Variants in MYT1 observed in about 807,000 individuals in gnomAD.
MYT1 encodes the protein myelin transcription factor 1, also known as myelin transcription factor I.
In MYT1, 23 loss-of-function variants were observed where a neutral mutation model predicts 123.0. The observed-to-expected ratio is 0.19, with a 90% CI of 0.13 to 0.26. The LOEUF (loss-of-function observed/expected upper bound fraction) is 0.26. MYT1 is among the 10% of genes least tolerant of loss of function. MYT1 has a pLI of 1.00. For missense variants in MYT1, 1,125 were observed against 1,472.5 expected, an observed-to-expected ratio of 0.76 and a Z score of 3.86; for synonymous variants, 518 against 575.3, an observed-to-expected ratio of 0.90 and a Z score of 1.43.
chr20:64,172,741 CTTTTTT>C lies in MYT1; in HGVS notation c.-99+8020_-99+8025del, dbSNP rs33943131. On this transcript the variant is annotated intron_variant, in intron 1 of 22. Coordinates refer to ENST00000328439, the MANE Select transcript of MYT1 (RefSeq NM_004535.3). ...GTGCTGCTGGCTCTGGCCATACCCT[CTTTTTT>C]TTTTTTTTTTTTTTTTTGAAGATGG... 3.5e-3 allele frequency among the ~76,000 whole-genome samples: 336 copies of C among 95,554 alleles called. 2 individuals carry two copies. Among genetic ancestry groups the C allele is most frequent in the African/African-American group, 0.014 (319 of 23,560 alleles). The allele number at this position is 95,554 out of a possible 152,430, so 62.7% of individuals were successfully genotyped here.
intron 1 of MYT1, among the ~76,000 whole-genome samples, chr20:64,188,037 C>A (rs1242166289): frequency 1.3e-5 from 2 of 152,214 alleles, no homozygotes; most frequent in Non-Finnish European, 2.9e-5. Context: ...CTCAGGACTT[C>A]AGAGCCCAGG....
rs1241989632 is a variant in MYT1 at position 64,167,093 on chromosome 20, CAG to C, written c.-99+2355_-99+2356del. Among the ~76,000 whole-genome samples, 1 of 152,158 alleles carries C rather than the reference CAG, an allele frequency of 6.6e-6. No homozygotes were observed. The highest frequency in any genetic ancestry group is 1.5e-5 in the Non-Finnish European group (1 of 68,026). On this transcript the variant is annotated intron_variant, in intron 1 of 22. Coordinates refer to ENST00000328439, the MANE Select transcript of MYT1 (RefSeq NM_004535.3). This position sits in a 1 kb window ranked among gnomAD's most constrained non-coding sequence, Gnocchi z 6.3. ...CCCACACCACTCTGCACTGGGGAGACAGGGGTCAGAGCCTGACTAACTGTCTT... is the reference window on the plus strand; with the variant it reads ...CCCACACCACTCTGCACTGGGGAGACGGGTCAGAGCCTGACTAACTGTCTT...
intron 10 of MYT1, among the ~76,000 whole-genome samples, chr20:64,214,129 G>A (rs892393796): frequency 2.0e-5 from 3 of 152,246 alleles, no homozygotes; most frequent in Non-Finnish European, 4.4e-5. Flanking sequence ...CCCAAGTCAA[G>A]GAAGAGGGTG....
intron 1 of MYT1, among the ~76,000 whole-genome samples, chr20:64,177,411 C>G (rs1982492965): frequency 6.6e-6 from 1 of 151,986 alleles, no homozygotes; most frequent in South Asian, 2.1e-4. Context: ...AAGAGCAAAA[C>G]TTGCCCTCAT....
intron 2 of MYT1, among the ~76,000 whole-genome samples, chr20:64,194,384 A>G (rs531620361): frequency 3.3e-5 from 5 of 152,294 alleles, no homozygotes; most frequent in African/African-American, 4.8e-5. Context: ...CCCTTAGCAG[A>G]GCTCTCTGTT....
chr20:64,184,834 G>A (rs561995726), intron 1 of MYT1, among the ~76,000 whole-genome samples: 13 of 152,330 alleles, frequency 8.5e-5, no homozygotes, highest in Admixed American at 8.5e-4. Context: ...AGATATTGTG[G>A]GCAGCGAGGA....
In MYT1 at chr20:64,185,103, G is replaced by C. The variant is rs1223969984; in HGVS notation, c.-98-4960G>C. On this transcript the variant is annotated intron_variant, in intron 1 of 22. Coordinates refer to ENST00000328439, the MANE Select transcript of MYT1 (RefSeq NM_004535.3). This position sits in a 1 kb window ranked among gnomAD's most constrained non-coding sequence, Gnocchi z 4.5. ...GCAGGAGGAGATGGAGAGGGGGCTG[G>C]GCAGGGGCGTGAGGTCCAAAGAGAC... 2.6e-5 allele frequency among the ~76,000 whole-genome samples: 4 copies of C among 152,176 alleles called. No individual in the cohort carries two copies. Among genetic ancestry groups the C allele is most frequent in the Admixed American group, 1.3e-4 (2 of 15,282 alleles).
In MYT1 at chr20:64,236,546, T is replaced by G. The variant is rs2145737302; in HGVS notation, c.2898-9T>G. On this transcript the variant is annotated splice_polypyrimidine_tract_variant and intron_variant, in intron 19 of 22. Coordinates refer to ENST00000328439, the MANE Select transcript of MYT1 (RefSeq NM_004535.3). Reference sequence around the variant, plus strand: ...GGGCTGGTGAATGATATGTGGCCTCTGCTTCCAGTTTGTCAGGCTGTCCCA... The same window carrying G: ...GGGCTGGTGAATGATATGTGGCCTCGGCTTCCAGTTTGTCAGGCTGTCCCA... 3 of 1,612,652 alleles carry G rather than the reference T, an allele frequency of 1.9e-6. No individual in the cohort carries two copies. The Middle Eastern group carries it at 5.0e-4, about 266-fold the overall frequency.
rs536783617 is a variant in MYT1, at chr20:64,221,779, G to A, written c.2242-114G>A. The A allele has an allele frequency of 1.5e-4, 163 of 1,081,628 alleles. No individual in the cohort carries two copies. The African/African-American group carries it at 1.7e-3, about 11-fold the overall frequency. The allele number at this position is 1,081,628 out of a possible 1,614,324, so 67.0% of individuals were successfully genotyped here. A position where few individuals can be genotyped will look rare whatever the true frequency, so the allele number is the denominator to read the frequency against. On this transcript the variant is annotated intron_variant, in intron 13 of 22. Coordinates refer to ENST00000328439, the MANE Select transcript of MYT1 (RefSeq NM_004535.3). Reference sequence around the variant, plus strand: ...CCTTATCCAGAAGATAGGAGACTCCGGGAGATGCTTCTGTGGACACTGTCC... The same window carrying A: ...CCTTATCCAGAAGATAGGAGACTCCAGGAGATGCTTCTGTGGACACTGTCC...
chr20:64,204,472 C>G (rs928070026), intron 4 of MYT1, among the ~76,000 whole-genome samples: 2 of 152,198 alleles, frequency 1.3e-5, no homozygotes, highest in Non-Finnish European at 2.9e-5. Context: ...AGCTGGGACC[C>G]ACACCAGCTA....
At position 64,184,706 on chromosome 20, in the gene MYT1, G is replaced by A. The variant is rs559683999; in HGVS notation, c.-98-5357G>A. Among the ~76,000 whole-genome samples the A allele has an allele frequency of 7.9e-5, 12 of 152,358 alleles. No individual in the cohort carries two copies. The South Asian group carries it at 2.5e-3, about 32-fold the overall frequency. On this transcript the variant is annotated intron_variant, in intron 1 of 22. Coordinates refer to ENST00000328439, the MANE Select transcript of MYT1 (RefSeq NM_004535.3). ...AGAGGTCAGAAATGGTCAGATTCTG[G>A]TGAGATTTAGAAAATAACATTGGCA...
chr20:64,219,229 C>A (rs1030156067), intron 12 of MYT1, among the ~76,000 whole-genome samples, 194 bp downstream of exon 12: 1 of 152,226 alleles, frequency 6.6e-6, no homozygotes, highest in African/African-American at 2.4e-5. Context: ...ACCAGGAGAA[C>A]CTGGTGTGCT....
Position 64,192,066 on chromosome 20 carries a change from C to G in MYT1, c.-1+1906C>G, listed in dbSNP as rs780769831. On this transcript the variant is annotated intron_variant, in intron 2 of 22. Coordinates refer to ENST00000328439, the MANE Select transcript of MYT1 (RefSeq NM_004535.3). This position sits in a 1 kb window ranked among gnomAD's most constrained non-coding sequence, Gnocchi z 5.3. Reference sequence around the variant, plus strand: ...CAGGGGTGGGTCGGAAGACTTTTGTCTCCCCCTGGCCCAGACATGACAAAC... The same window carrying G: ...CAGGGGTGGGTCGGAAGACTTTTGTGTCCCCCTGGCCCAGACATGACAAAC... Among the ~76,000 whole-genome samples, 1 of 152,130 alleles carries G rather than the reference C, an allele frequency of 6.6e-6. No individual in the cohort carries two copies. Among genetic ancestry groups the G allele is most frequent in the African/African-American group, 2.4e-5 (1 of 41,430 alleles).
At chr20:64,223,418 T>C in intron 16 of MYT1, 59 bp downstream of exon 16, 1 of 1,576,540 alleles carries the variant, frequency 6.3e-7, no homozygotes, top group East Asian at 2.2e-5. Flanking sequence ...TTGCTCTCCT[T>C]CCATGAGGCT....
intron 4 of MYT1, 123 bp from the exon 5 acceptor site, chr20:64,204,911 TG>T: frequency 1.1e-6 from 1 of 887,916 alleles, no homozygotes. Context: ...TTCAGCAAAC[TG>T]CAGGCAGCCA....
chr20:64,169,828 C>T (rs576479), intron 1 of MYT1, among the ~76,000 whole-genome samples: 138,565 of 152,252 alleles, frequency 0.91, 63,105 homozygotes, highest in East Asian at 1. Flanking sequence ...TCGTTGAGAC[C>T]GTGCTAACTT....
chr20:64,226,814 G>C (rs1434064484), intron 16 of MYT1, among the ~76,000 whole-genome samples: 1 of 152,282 alleles, frequency 6.6e-6, no homozygotes, highest in Non-Finnish European at 1.5e-5. Context: ...CACTGGCTGT[G>C]TGAACTCTGC....
In MYT1 at chr20:64,231,212, T is replaced by C. The variant is rs574224956; in HGVS notation, c.2676-952T>C. Among the ~76,000 whole-genome samples, 1 of 152,314 alleles carries C rather than the reference T, an allele frequency of 6.6e-6. No individual in the cohort carries two copies. Among genetic ancestry groups the C allele is most frequent in the South Asian group, 2.1e-4 (1 of 4,820 alleles). On this transcript the variant is annotated intron_variant, in intron 18 of 22. Transcript: ENST00000328439. The surrounding 1 kb of genome is among the most constrained non-coding windows in gnomAD (Gnocchi z 6.4). ...CAAACGGTAATTTGGATGAGTTTCA[T>C]TTATGAAGAGATAAGAATGAGCCTT...
At chr20:64,165,559 G>T (rs1229409605) in intron 1 of MYT1, among the ~76,000 whole-genome samples, 1 of 152,198 alleles carries the variant, frequency 6.6e-6, no homozygotes, top group African/African-American at 2.4e-5. Context: ...AAGTGCTGGT[G>T]GCTTTGTGTT....
Sources: allele counts gnomAD v4.1 joint callset (sites outside exome capture counted in the v4.1 genomes callset), GRCh38; gene constraint gnomAD v4.1.1; non-coding constraint Gnocchi (gnomAD v3.1); transcripts MANE v1.5; gene names NCBI Gene and HGNC (gene_info 2026-07-23, HGNC 2026-07-21).